DLGAP2: variants seen among roughly 807,000 people sequenced by gnomAD.
The protein encoded by DLGAP2 is disks large-associated protein 2.
DLGAP2 carries 26 observed loss-of-function variants against 100.3 expected under a neutral mutation model. The ratio of observed to expected loss-of-function variants is 0.26; its 90% confidence interval spans 0.19 to 0.36. The LOEUF is 0.36. Among genes scored for constraint, DLGAP2 ranks in the 10% least tolerant of loss-of-function variants. The pLI is 1.00. For missense variants in DLGAP2, 1,858 were observed against 1,453.2 expected, an observed-to-expected ratio of 1.28 and a Z score of -4.53; for synonymous variants, 886 against 630.1, an observed-to-expected ratio of 1.41 and a Z score of -6.08.
rs771947460 is a variant in DLGAP2 at position 1,678,448 on chromosome 8, C to G, written c.2523C>G (p.Thr841=). The change falls in exon 12 of 15, where the codon ACC becomes ACG. Residue 841 remains threonine (T), a synonymous_variant. Coordinates refer to ENST00000637795, the MANE Select transcript of DLGAP2 (RefSeq NM_001346810.2). ...ATCGGACCCAAGTGGACACCTCCAC[C>G]CTGCCCCCTCCAGACCCCTGGCTGG... ...EDYRTQVDTS[T]LPPPDPWLEP... 1 of 1,613,596 alleles carries G rather than the reference C, an allele frequency of 6.2e-7. No homozygotes were observed. The highest frequency in any genetic ancestry group is 1.1e-5 in the South Asian group (1 of 91,032).
At chr8:835,544 G>A (rs1398410860) in intron 1 of DLGAP2, among the ~76,000 whole-genome samples, 4 of 150,568 alleles carry the variant, frequency 2.7e-5, no homozygotes, top group East Asian at 2.0e-4. Flanking sequence ...TTTGTAGTCC[G>A]TGGTCCCCCG....
intron 3 of DLGAP2, among the ~76,000 whole-genome samples, chr8:1,293,270 G>C (rs996206456): frequency 1.3e-5 from 2 of 152,182 alleles, no homozygotes; most frequent in African/African-American, 2.4e-5. Context: ...TGCAGTGCAG[G>C]GGGACTCAGG....
At chr8:1,453,033 G>T (rs148219378) in intron 3 of DLGAP2, among the ~76,000 whole-genome samples, 1 of 152,204 alleles carries the variant, frequency 6.6e-6, no homozygotes, top group Admixed American at 6.5e-5. Context: ...AGTGCCATCT[G>T]TGAAGGGTTA....
intron 3 of DLGAP2, among the ~76,000 whole-genome samples, chr8:1,281,781 GGCGTGGAGGGACGC>G (rs1445519428): frequency 6.6e-6 from 1 of 152,218 alleles, no homozygotes; most frequent in Non-Finnish European, 1.5e-5. Flanking sequence ...TGGGAACAGA[GGCGTGGAGGGACGC>G]GGTCCCACCC....
chr8:1,548,869 G>C lies in DLGAP2; in HGVS notation c.416G>C (p.Ser139Thr), dbSNP rs1003861541. 1.6e-5 allele frequency: 26 copies of C among 1,592,166 alleles called. No individual in the cohort carries two copies. The highest frequency in any genetic ancestry group is 1.2e-4 in the Admixed American group (7 of 59,460). Residue 139 changes from serine to threonine, a missense_variant, in exon 5 of 15, where the codon AGC (serine) becomes ACC (threonine). By Grantham distance (58) the Ser-to-Thr change is moderately conservative. Coordinates refer to ENST00000637795, the MANE Select transcript of DLGAP2 (RefSeq NM_001346810.2). ...PGGRHRCSPR[S>T]SVHSECVMMP... The stretch of plus-strand genomic sequence containing the variant: ...GGGCGCCACCGCTGCTCGCCGCGCA[G>C]CTCGGTGCACTCGGAGTGCGTGATG...
intron 3 of DLGAP2, among the ~76,000 whole-genome samples, chr8:1,309,118 GC>G (rs2117011678): frequency 6.6e-6 from 1 of 152,152 alleles, no homozygotes; most frequent in East Asian, 1.9e-4. Context: ...ACATCATCGG[GC>G]TGATCAGCCT....
intron 1 of DLGAP2, among the ~76,000 whole-genome samples, chr8:859,639 C>T (rs1460477136): frequency 6.6e-6 from 1 of 152,184 alleles, no homozygotes; most frequent in East Asian, 1.9e-4. Context: ...AGTCAGCTGT[C>T]TCAGCACCAG....
At chr8:1,020,005 G>C (rs539630781) in intron 2 of DLGAP2, among the ~76,000 whole-genome samples, 2 of 152,298 alleles carry the variant, frequency 1.3e-5, no homozygotes, top group East Asian at 3.9e-4. Context: ...ATTTGTCAAA[G>C]AAGTTAAGTT....
At position 799,841 on chromosome 8, in the gene DLGAP2, C is replaced by T. The variant is rs755766356; in HGVS notation, c.18+62016C>T. On this transcript the variant is annotated intron_variant, in intron 1 of 14. Coordinates refer to ENST00000637795, the MANE Select transcript of DLGAP2 (RefSeq NM_001346810.2). The stretch of plus-strand genomic sequence containing the variant: ...CGAGCTCCTGGGCTCAGGTGGTCCT[C>T]CTACCTTGGCCTCTCAGAGTGCTGG... 7.9e-5 allele frequency among the ~76,000 whole-genome samples: 12 copies of T among 152,200 alleles called. 1 individual carries two copies. The highest frequency in any genetic ancestry group is 1.4e-4 in the African/African-American group (6 of 41,444).
chr8:832,749 C>T lies in DLGAP2; in HGVS notation c.19-75163C>T, dbSNP rs116370648. Reference sequence around the variant, plus strand: ...AACTGTGTTTGTGTAAGAATGTCAGCTGCAGTAGGCAGCACATGCTGAGAG... The same window carrying T: ...AACTGTGTTTGTGTAAGAATGTCAGTTGCAGTAGGCAGCACATGCTGAGAG... On this transcript the variant is annotated intron_variant, in intron 1 of 14. Coordinates refer to ENST00000637795, the MANE Select transcript of DLGAP2 (RefSeq NM_001346810.2). 7.8e-3 allele frequency among the ~76,000 whole-genome samples: 1,189 copies of T among 152,304 alleles called. 17 individuals are homozygous for T. The highest frequency in any genetic ancestry group is 0.027 in the African/African-American group (1,113 of 41,552).
intron 4 of DLGAP2, 78 bp from the exon 5 acceptor site, chr8:1,548,548 T>TG (rs1244460398): frequency 2.0e-5 from 25 of 1,260,810 alleles, no homozygotes; most frequent in Middle Eastern, 2.2e-4. Flanking sequence ...AAGTCCACGG[T>TG]GGGGGTCACA....
rs113585648 is a variant in DLGAP2, at chr8:842,327, C to T, written c.19-65585C>T. On this transcript the variant is annotated intron_variant, in intron 1 of 14. Coordinates refer to ENST00000637795, the MANE Select transcript of DLGAP2 (RefSeq NM_001346810.2). ...TTATACCTGAAGACCAGGTTTGCTG[C>T]GTATGCAATGATTGGCTTATATTTA... is the stretch of plus-strand genomic sequence containing the variant. Among the ~76,000 whole-genome samples the T allele has an allele frequency of 1.5e-4, 23 of 152,302 alleles. No homozygotes were observed. The South Asian group carries it at 3.3e-3, about 22-fold the overall frequency.
intron 2 of DLGAP2, among the ~76,000 whole-genome samples, chr8:1,021,797 A>T (rs1327174452): frequency 1.3e-5 from 2 of 152,020 alleles, no homozygotes; most frequent in African/African-American, 4.8e-5. Flanking sequence ...TGGGGTTGGA[A>T]TGTGCACACC....
At chr8:1,120,148 C>G (rs1236194221) in intron 2 of DLGAP2, among the ~76,000 whole-genome samples, 2 of 152,154 alleles carry the variant, frequency 1.3e-5, no homozygotes, top group Non-Finnish European at 2.9e-5. Context: ...GTGGACGTAA[C>G]CCTACTGAGA....
intron 2 of DLGAP2, among the ~76,000 whole-genome samples, chr8:969,293 C>A (rs1346972125): frequency 1.3e-5 from 2 of 152,166 alleles, no homozygotes; most frequent in African/African-American, 2.4e-5. Flanking sequence ...ACAGTTGGCT[C>A]CCTGGGCCTC....
intron 2 of DLGAP2, among the ~76,000 whole-genome samples, chr8:1,237,222 C>T (rs1441625633): frequency 2.1e-5 from 3 of 143,952 alleles, no homozygotes; most frequent in Admixed American, 6.8e-5. Context: ...GTCTAGTTCT[C>T]TCACATGGCG....
chr8:1,696,570 G>C (rs1019969334), intron 13 of DLGAP2, among the ~76,000 whole-genome samples: 1 of 152,246 alleles, frequency 6.6e-6, no homozygotes, highest in Non-Finnish European at 1.5e-5. Context: ...GAGAAACCAA[G>C]CACGTCTCTG....
chr8:1,417,696 C>CA lies in DLGAP2; in HGVS notation c.107-83670_107-83669insA, dbSNP rs1405788503. 3.4e-4 allele frequency among the ~76,000 whole-genome samples: 50 copies of CA among 146,766 alleles called. 6 individuals are homozygous for CA. The highest frequency in any genetic ancestry group is 4.6e-4 in the Non-Finnish European group (31 of 67,072). ...GAGGCTCCAGGGGGGCACAGGGGGC[C>CA]CCACTCCTGCCTCACTCGGCGAGGC... On this transcript the variant is annotated intron_variant, in intron 3 of 14. Transcript: ENST00000637795.
rs993903299 is a variant in DLGAP2 at position 781,614 on chromosome 8, G to A, written c.18+43789G>A. 2.6e-5 allele frequency among the ~76,000 whole-genome samples: 4 copies of A among 152,110 alleles called. No homozygotes were observed. The East Asian group carries it at 5.8e-4, about 22-fold the overall frequency. ...GCAGATTACAGGGGTGGTGGGGAGC[G>A]CTGAGCCCATTAACACAAGAGGACA... On this transcript the variant is annotated intron_variant, in intron 1 of 14. Transcript: ENST00000637795.
Sources: allele counts gnomAD v4.1 joint callset (sites outside exome capture counted in the v4.1 genomes callset), GRCh38; gene constraint gnomAD v4.1.1; transcripts MANE v1.5; gene names NCBI Gene and HGNC (gene_info 2026-07-23, HGNC 2026-07-21).